The following RIN3 variants were observed in gnomAD, a reference collection of about 807,000 sequenced individuals.
RIN3 encodes Ras and Rab interactor 3.
A neutral mutation model predicts 76.3 loss-of-function variants in RIN3; 54 were observed. That is an observed-to-expected ratio of 0.71 (90% CI 0.57 to 0.89). The LOEUF is 0.89. Among genes scored for constraint, RIN3 ranks in the 40% least tolerant of loss-of-function variants. The pLI, the probability that RIN3 is intolerant of heterozygous loss-of-function variation, is 0.00. For synonymous variants in RIN3, 576 were observed against 564.0 expected (o/e 1.02, Z -0.30); for missense variants, 1,256 against 1,322.1 (o/e 0.95, Z 0.78).
At chr14:92,601,652 A>G (rs1263725208) in intron 3 of RIN3, among the ~76,000 whole-genome samples, 1 of 152,022 alleles carries the variant, frequency 6.6e-6, no homozygotes, top group African/African-American at 2.4e-5. Flanking sequence ...AGTCAAAGAC[A>G]TCTCCCCGGC....
At position 92,615,443 on chromosome 14, in the gene RIN3, A is replaced by G; in HGVS notation, c.404A>G (p.Asp135Gly). 1 of 1,614,158 alleles carries G rather than the reference A, an allele frequency of 6.2e-7. No individual in the cohort carries two copies. Among genetic ancestry groups the G allele is most frequent in the South Asian group, 1.1e-5 (1 of 91,082 alleles). The change falls in exon 4 of 10, where the codon GAC (aspartate) becomes GGC (glycine). Residue 135 changes from aspartate to glycine, a missense_variant. Transcript: ENST00000216487. ...YLEGSALVFE[D>G]IFRLIAFYCV... ...GAAGGCTCGGCTCTTGTGTTTGAGGACATCTTCAGATTGATTGCGTTCTAC... is the reference window on the plus strand; with the variant it reads ...GAAGGCTCGGCTCTTGTGTTTGAGGGCATCTTCAGATTGATTGCGTTCTAC...
chr14:92,581,942 C>CG (rs1197085163), intron 3 of RIN3, among the ~76,000 whole-genome samples: 2 of 152,104 alleles, frequency 1.3e-5, no homozygotes, highest in African/African-American at 4.8e-5. Flanking sequence ...GCGAAACTGA[C>CG]CCAACAGGAT....
chr14:92,623,934 CAG>C lies in RIN3; in HGVS notation c.440+8462_440+8463del, dbSNP rs1164394298. ...AGGTGTTGAGTTTCAGGGAATAGCA[CAG>C]AGAGAGTTCGACAGAATTCACTATC... On this transcript the variant is annotated intron_variant, in intron 4 of 9. Transcript: ENST00000216487. The surrounding 1 kb of genome is among the most constrained non-coding windows in gnomAD (Gnocchi z 4.9). 6.6e-6 allele frequency among the ~76,000 whole-genome samples: 1 copy of C among 152,210 alleles called. No individual in the cohort carries two copies. Among genetic ancestry groups the C allele is most frequent in the Non-Finnish European group, 1.5e-5 (1 of 68,036 alleles).
In RIN3 at chr14:92,676,507, G is replaced by C. The variant is rs767508900; in HGVS notation, c.2368G>C (p.Val790Leu). ...CTATGGGGCGGATGACTTCCTGCCT[G>C]TGCTCATGTATGTGCTGGCCCGCAG... ...KPYGADDFLP[V>L]LMYVLARSNL... The change falls in exon 8 of 10, where the codon GTG becomes CTG. Residue 790 changes from valine (V) to leucine (L), a missense_variant. Physicochemically the swap from Val to Leu is conservative, Grantham distance 32. Around this residue, in one of 3 missense-constraint regions of RIN3, gnomAD observed 428 missense variants for 521.2 expected, o/e 0.82. Coordinates refer to ENST00000216487, the MANE Select transcript of RIN3 (RefSeq NM_024832.5). 6.2e-7 allele frequency: 1 copy of C among 1,614,132 alleles called. No individual in the cohort carries two copies. Among genetic ancestry groups the C allele is most frequent in the Non-Finnish European group, 8.5e-7 (1 of 1,180,008 alleles).
At chr14:92,676,123 G>T (rs1888450614) in intron 7 of RIN3, among the ~76,000 whole-genome samples, 1 of 151,966 alleles carries the variant, frequency 6.6e-6, no homozygotes, top group African/African-American at 2.4e-5. Flanking sequence ...AGCCATGAAT[G>T]CTTCTGGGTG....
At chr14:92,604,515 A>AT (rs1177405988) in intron 3 of RIN3, among the ~76,000 whole-genome samples, 4 of 151,874 alleles carry the variant, frequency 2.6e-5, no homozygotes, top group Non-Finnish European at 5.9e-5. Flanking sequence ...GTGTAAGGGC[A>AT]TTTTTTTCTC....
intron 3 of RIN3, among the ~76,000 whole-genome samples, chr14:92,588,571 G>A (rs1488743609): frequency 1.3e-5 from 2 of 151,976 alleles, no homozygotes; most frequent in Admixed American, 6.5e-5. Context: ...TCATGAGGGT[G>A]GATCCCTCAT....
intron 8 of RIN3, among the ~76,000 whole-genome samples, chr14:92,680,739 G>A (rs943769102): frequency 4.6e-5 from 7 of 152,190 alleles, no homozygotes; most frequent in Non-Finnish European, 8.8e-5. Flanking sequence ...TTCTGTGTTC[G>A]ACAGAAAGCC....
At chr14:92,674,264 C>T (rs1888385986) in intron 7 of RIN3, among the ~76,000 whole-genome samples, 3 of 152,158 alleles carry the variant, frequency 2.0e-5, no homozygotes, top group Non-Finnish European at 2.9e-5. Flanking sequence ...CTTCACACCG[C>T]GCCTCTCAGC....
intron 2 of RIN3, 136 bp from the exon 3 acceptor site, chr14:92,577,224 C>T (rs1898270734): frequency 1.6e-6 from 1 of 619,044 alleles, no homozygotes. Flanking sequence ...CCCCAGTGTC[C>T]CTGAGGCATC....
chr14:92,654,333 A>G (rs200297103), intron 6 of RIN3, among the ~76,000 whole-genome samples: 3 of 90,830 alleles, frequency 3.3e-5, no homozygotes, highest in East Asian at 7.4e-4. Context: ...AAAAGAAAAG[A>G]AAAGAAAAAA....
At chr14:92,580,283 T>G (rs895505382) in intron 3 of RIN3, among the ~76,000 whole-genome samples, 1 of 152,234 alleles carries the variant, frequency 6.6e-6, no homozygotes, top group African/African-American at 2.4e-5. Flanking sequence ...GCAGAATTAC[T>G]TGAACCTGGG....
chr14:92,519,820 G>A (rs376235631), intron 1 of RIN3, among the ~76,000 whole-genome samples: 1 of 152,210 alleles, frequency 6.6e-6, no homozygotes, highest in South Asian at 2.1e-4. Context: ...GGAGAAGAGA[G>A]GAGTGACGGG....
At chr14:92,578,140 G>T (rs1183233471) in intron 3 of RIN3, among the ~76,000 whole-genome samples, 1 of 151,952 alleles carries the variant, frequency 6.6e-6, no homozygotes, top group Non-Finnish European at 1.5e-5. Flanking sequence ...GGAGGCTGAG[G>T]TGGAAGATTG....
chr14:92,527,253 C>T (rs563708540), intron 1 of RIN3, among the ~76,000 whole-genome samples: 3 of 150,092 alleles, frequency 2.0e-5, no homozygotes, highest in Non-Finnish European at 2.9e-5. Context: ...GGGGTTTCAC[C>T]GTGTTAGCCA....
chr14:92,606,492 C>T (rs1276937909), intron 3 of RIN3, among the ~76,000 whole-genome samples: 1 of 152,106 alleles, frequency 6.6e-6, no homozygotes, highest in Non-Finnish European at 1.5e-5. Context: ...CTACAGTGAG[C>T]CATGATCACA....
At chr14:92,527,515 C>G (rs1333752701) in intron 1 of RIN3, among the ~76,000 whole-genome samples, 1 of 152,146 alleles carries the variant, frequency 6.6e-6, no homozygotes, top group East Asian at 1.9e-4. Flanking sequence ...GTGATGGGAC[C>G]TGTAACAAAC....
In RIN3 at chr14:92,688,066, C is replaced by A. The variant is rs376695836; in HGVS notation, c.2772C>A (p.Phe924Leu). 6.9e-6 allele frequency: 11 copies of A among 1,604,406 alleles called. No homozygotes were observed. The highest frequency in any genetic ancestry group is 5.1e-5 in the Admixed American group (3 of 59,346). The change falls in exon 10 of 10, where the codon TTC (phenylalanine) becomes TTA (leucine). Residue 924 changes from phenylalanine to leucine, a missense_variant. Coordinates refer to ENST00000216487, the MANE Select transcript of RIN3 (RefSeq NM_024832.5). ...AGCGGCCGCAGGCGCACCGGCTGTT[C>A]GTGCTGGTGGACGGGCGCTGCTTCC... ...AVERPQAHRLFVLVDGRCFQL... is the reference protein window; with the variant it reads ...AVERPQAHRLLVLVDGRCFQL...
intron 1 of RIN3, among the ~76,000 whole-genome samples, chr14:92,529,620 A>T (rs1375828434): frequency 2.6e-5 from 4 of 152,240 alleles, no homozygotes; most frequent in Non-Finnish European, 5.9e-5. Flanking sequence ...CGGCGGGCAC[A>T]TTCCCAGCTG....
Sources: allele counts gnomAD v4.1 joint callset (sites outside exome capture counted in the v4.1 genomes callset), GRCh38; gene constraint gnomAD v4.1.1; regional missense constraint gnomAD v4.1.1; non-coding constraint Gnocchi (gnomAD v3.1); transcripts MANE v1.5; gene names NCBI Gene and HGNC (gene_info 2026-07-23, HGNC 2026-07-21).